ZNF385D: variants seen among roughly 807,000 people sequenced by gnomAD.
The protein encoded by ZNF385D is zinc finger protein 385D, also known as zinc finger protein 659.
Under a neutral mutation model 35.8 loss-of-function variants are expected in ZNF385D, and 15 were observed. That is an observed-to-expected ratio of 0.42 (90% CI 0.28 to 0.64). The LOEUF (loss-of-function observed/expected upper bound fraction) is 0.64. Among genes scored for constraint, ZNF385D ranks in the 30% least tolerant of loss-of-function variants. The pLI is 0.23. For missense variants in ZNF385D, 474 were observed against 494.6 expected (o/e 0.96, Z 0.39); for synonymous variants, 212 against 186.8 (o/e 1.13, Z -1.10).
intron 2 of ZNF385D, among the ~76,000 whole-genome samples, chr3:22,289,521 C>A (rs1263896773): frequency 1.3e-5 from 2 of 152,154 alleles, no homozygotes; most frequent in Admixed American, 6.5e-5. Context: ...GGAGCTCAAT[C>A]CTCAACCAAC....
chr3:21,903,063 G>T (rs570709433), intron 3 of ZNF385D, among the ~76,000 whole-genome samples: 1 of 151,996 alleles, frequency 6.6e-6, no homozygotes, highest in African/African-American at 2.4e-5. Context: ...AACAACCTTC[G>T]CAGTGCTAGC....
At chr3:22,241,604 TAAC>T (rs1278451177) in intron 2 of ZNF385D, among the ~76,000 whole-genome samples, 1 of 151,158 alleles carries the variant, frequency 6.6e-6, no homozygotes. Flanking sequence ...CTCTGGCCCT[TAAC>T]AAATTAATTA....
chr3:22,257,990 G>C (rs994191810), intron 2 of ZNF385D, among the ~76,000 whole-genome samples: 1 of 151,774 alleles, frequency 6.6e-6, no homozygotes, highest in African/African-American at 2.4e-5. Flanking sequence ...AACAATATTT[G>C]ATAGTAAAAT....
intron 3 of ZNF385D, among the ~76,000 whole-genome samples, chr3:21,961,808 C>T (rs529215573): frequency 1.5e-3 from 233 of 152,086 alleles, no homozygotes; most frequent in Non-Finnish European, 2.7e-3. Flanking sequence ...GGAGAGTGCA[C>T]TGGATGGGAT....
intron 3 of ZNF385D, among the ~76,000 whole-genome samples, chr3:21,859,032 C>CG (rs1419974421): frequency 6.6e-6 from 1 of 151,758 alleles, no homozygotes; most frequent in South Asian, 2.1e-4. Flanking sequence ...ATACATATAA[C>CG]GGGGGGAAGT....
chr3:21,889,910 A>G (rs868547451), intron 3 of ZNF385D, among the ~76,000 whole-genome samples: 24 of 152,228 alleles, frequency 1.6e-4, no homozygotes, highest in Middle Eastern at 6.8e-3. Context: ...GGCTTGTGTC[A>G]GTAAGTCCAA....
At chr3:22,001,346 A>G (rs1313290339) in intron 3 of ZNF385D, among the ~76,000 whole-genome samples, 2 of 152,086 alleles carry the variant, frequency 1.3e-5, no homozygotes, top group African/African-American at 4.8e-5. Flanking sequence ...TACTAGTATC[A>G]GATAAAACAA....
chr3:21,519,927 T>C (rs1707805333), intron 3 of ZNF385D, among the ~76,000 whole-genome samples: 2 of 152,212 alleles, frequency 1.3e-5, no homozygotes, highest in South Asian at 4.1e-4. Flanking sequence ...TAGATGTTTG[T>C]ATCAACAGCA....
At chr3:21,672,749 T>C (rs1465544718) in intron 1 of ZNF385D, among the ~76,000 whole-genome samples, 1 of 152,164 alleles carries the variant, frequency 6.6e-6, no homozygotes, top group Non-Finnish European at 1.5e-5. Flanking sequence ...ACTAATAATA[T>C]TTTATCTGTC....
At chr3:21,770,338 A>T (rs561179877) in intron 3 of ZNF385D, among the ~76,000 whole-genome samples, 3 of 152,208 alleles carry the variant, frequency 2.0e-5, no homozygotes, top group Non-Finnish European at 4.4e-5. Flanking sequence ...TAATCAACTC[A>T]TCTGACAAAG....
chr3:22,143,424 T>G (rs1704652174), intron 3 of ZNF385D, among the ~76,000 whole-genome samples: 1 of 152,146 alleles, frequency 6.6e-6, no homozygotes, highest in African/African-American at 2.4e-5. Flanking sequence ...GACAACTAAA[T>G]GCAAAGTAAA....
At chr3:21,548,876 C>T (rs13068431) in intron 3 of ZNF385D, among the ~76,000 whole-genome samples, 1 of 152,068 alleles carries the variant, frequency 6.6e-6, no homozygotes, top group Admixed American at 6.5e-5. Flanking sequence ...AGCCTATTGC[C>T]CTTGAAAAAG....
intron 2 of ZNF385D, among the ~76,000 whole-genome samples, chr3:22,173,595 T>C (rs1304008414): frequency 6.6e-6 from 1 of 152,206 alleles, no homozygotes; most frequent in East Asian, 1.9e-4. Context: ...GAAACTTCTG[T>C]TCTCTTTATC....
chr3:22,348,196 A>G (rs1695746334), intron 2 of ZNF385D, among the ~76,000 whole-genome samples: 1 of 152,164 alleles, frequency 6.6e-6, no homozygotes, highest in African/African-American at 2.4e-5. Context: ...AGGCATTGTT[A>G]TGAGCTGACT....
At chr3:21,762,639 T>C (rs558549742) in intron 3 of ZNF385D, among the ~76,000 whole-genome samples, 1 of 152,320 alleles carries the variant, frequency 6.6e-6, no homozygotes, top group East Asian at 1.9e-4. Context: ...CGGCCTATAA[T>C]ACACTGTCCA....
At chr3:21,959,530 G>T (rs183443243) in intron 3 of ZNF385D, among the ~76,000 whole-genome samples, 246 of 152,262 alleles carry the variant, frequency 1.6e-3, no homozygotes, top group Non-Finnish European at 1.6e-3. Context: ...CAGAGTGCTG[G>T]AAAGAACCAT....
intron 3 of ZNF385D, among the ~76,000 whole-genome samples, chr3:21,776,613 C>T (rs1436060865): frequency 1.3e-5 from 2 of 151,658 alleles, no homozygotes; most frequent in African/African-American, 4.8e-5. Flanking sequence ...GTTTACCTTA[C>T]CTAAGGTACT....
chr3:22,148,876 A>G (rs1276308192), intron 3 of ZNF385D, among the ~76,000 whole-genome samples: 1 of 152,186 alleles, frequency 6.6e-6, no homozygotes, highest in Non-Finnish European at 1.5e-5. Context: ...GACGAAACCT[A>G]CATACAACTC....
At chr3:21,866,492 C>T (rs1291304) in intron 3 of ZNF385D, among the ~76,000 whole-genome samples, 37,456 of 151,966 alleles carry the variant, frequency 0.25, 4,795 homozygotes, top group Middle Eastern at 0.41. Flanking sequence ...ATGAGGGCAC[C>T]GCTATTGATC....
Sources: gnomAD v4.1 joint callset for allele counts (sites outside exome capture counted in the v4.1 genomes callset) on GRCh38, gnomAD v4.1.1 for gene constraint, MANE v1.5 for transcripts, NCBI Gene and HGNC (gene_info 2026-07-23, HGNC 2026-07-21) for gene names.